The following MAST4 variants were observed in gnomAD, a reference collection of about 807,000 sequenced individuals.
MAST4 encodes the protein microtubule-associated serine/threonine-protein kinase 4.
Under a neutral mutation model 162.7 loss-of-function variants are expected in MAST4, and 89 were observed. That is an observed-to-expected ratio of 0.55 (90% confidence interval 0.46 to 0.65). MAST4 has a LOEUF of 0.65. MAST4 is among the 30% of genes least tolerant of loss of function. The pLI is 0.00. For synonymous variants in MAST4, 1,479 were observed against 1,361.1 expected, an observed-to-expected ratio of 1.09 and a Z score of -1.91; for missense variants, 3,153 against 3,374.0, an observed-to-expected ratio of 0.93 and a Z score of 1.62.
At chr5:67,011,200 T>C (rs1165037616) in intron 4 of MAST4, among the ~76,000 whole-genome samples, 2 of 152,120 alleles carry the variant, frequency 1.3e-5, no homozygotes, top group Admixed American at 1.3e-4. Context: ...CACCACCTCT[T>C]GCTCTCCTCC....
At chr5:67,063,691 CT>C (rs1759903727) in intron 5 of MAST4, among the ~76,000 whole-genome samples, 1 of 151,096 alleles carries the variant, frequency 6.6e-6, no homozygotes, top group South Asian at 2.1e-4. Context: ...GTTTTTCATT[CT>C]GTTTAATTTT....
intron 1 of MAST4, among the ~76,000 whole-genome samples, chr5:66,702,858 C>T (rs1017614886): frequency 2.0e-5 from 3 of 152,142 alleles, no homozygotes; most frequent in African/African-American, 4.8e-5. Flanking sequence ...TTCAACTTAA[C>T]GTTCTGAGAG....
intron 1 of MAST4, among the ~76,000 whole-genome samples, chr5:66,726,379 A>C (rs1286653363): frequency 6.6e-6 from 1 of 151,946 alleles, no homozygotes; most frequent in Non-Finnish European, 1.5e-5. Flanking sequence ...AGAAGAAAAG[A>C]CTCCTGAGTG....
chr5:66,679,969 T>C (rs1241821692), intron 1 of MAST4, among the ~76,000 whole-genome samples: 3 of 152,218 alleles, frequency 2.0e-5, no homozygotes, highest in African/African-American at 7.2e-5. Context: ...CTATTACACA[T>C]GAACTTACAA....
chr5:67,121,742 G>T (rs562335875), intron 14 of MAST4, among the ~76,000 whole-genome samples: 1 of 152,054 alleles, frequency 6.6e-6, no homozygotes, highest in Admixed American at 6.5e-5. Flanking sequence ...GTGTTGGTCT[G>T]CATTCAAAGC....
chr5:66,846,965 TG>T (rs1204939923), intron 3 of MAST4, among the ~76,000 whole-genome samples: 1 of 152,232 alleles, frequency 6.6e-6, no homozygotes, highest in African/African-American at 2.4e-5. Flanking sequence ...TCTACCTCCC[TG>T]GCACTCATTT....
At chr5:66,757,275 C>G (rs774204067) in intron 1 of MAST4, among the ~76,000 whole-genome samples, 1 of 152,178 alleles carries the variant, frequency 6.6e-6, no homozygotes, top group Non-Finnish European at 1.5e-5. Context: ...AGCTGTCACT[C>G]ATAATTAAGA....
chr5:66,978,462 A>G (rs1185950826), intron 4 of MAST4, among the ~76,000 whole-genome samples: 3 of 152,236 alleles, frequency 2.0e-5, no homozygotes, highest in Admixed American at 6.5e-5. Context: ...GGATACCAAG[A>G]AGAGAAGATG....
At chr5:66,832,809 A>G (rs1757706795) in intron 3 of MAST4, among the ~76,000 whole-genome samples, 2 of 152,238 alleles carry the variant, frequency 1.3e-5, no homozygotes, top group Non-Finnish European at 2.9e-5. Context: ...ATTTATGATA[A>G]TATTAATTCA....
In MAST4 at chr5:67,166,073, G is replaced by T. The variant is rs758759314; in HGVS notation, c.6894G>T (p.Leu2298=). ...PTSGGRPLEV[L]EKPVHLPRPG... Reference sequence around the variant, plus strand: ...GTGGTGGGCGGCCCCTGGAGGTGCTGGAGAAGCCTGTGCATTTGCCAAGGC... The same window carrying T: ...GTGGTGGGCGGCCCCTGGAGGTGCTTGAGAAGCCTGTGCATTTGCCAAGGC... The change falls in exon 29 of 29, where the codon CTG becomes CTT. Residue 2298 remains leucine, a synonymous_variant. Coordinates refer to ENST00000403625, the MANE Select transcript of MAST4 (RefSeq NM_001164664.2). 1.9e-6 allele frequency: 3 copies of T among 1,613,514 alleles called. No individual in the cohort carries two copies. The highest frequency in any genetic ancestry group is 2.5e-6 in the Non-Finnish European group (3 of 1,179,714).
intron 4 of MAST4, among the ~76,000 whole-genome samples, chr5:66,923,555 G>A (rs181705033): frequency 1.2e-4 from 18 of 152,306 alleles, no homozygotes; most frequent in East Asian, 1.2e-3. Context: ...TGGCTATCAC[G>A]TTGTTCTCTT....
intron 4 of MAST4, among the ~76,000 whole-genome samples, chr5:67,006,839 TA>T (rs1752097331): frequency 6.6e-6 from 1 of 152,258 alleles, no homozygotes; most frequent in East Asian, 1.9e-4. Flanking sequence ...TTCTTCCCAG[TA>T]AAATGGGAGA....
intron 1 of MAST4, among the ~76,000 whole-genome samples, chr5:66,752,677 C>A (rs1229072025): frequency 1.3e-5 from 2 of 148,454 alleles, no homozygotes; most frequent in African/African-American, 5.0e-5. Context: ...GAGACTTAGA[C>A]TCCCACACAT....
At chr5:66,705,148 C>G (rs1750050278) in intron 1 of MAST4, among the ~76,000 whole-genome samples, 1 of 152,194 alleles carries the variant, frequency 6.6e-6, no homozygotes, top group South Asian at 2.1e-4. Flanking sequence ...ATTGGAGGAT[C>G]AGGTTTCCTG....
Position 66,783,743 on chromosome 5 carries a change from T to C in MAST4, c.518-4927T>C, listed in dbSNP as rs145804312. Among the ~76,000 whole-genome samples the C allele has an allele frequency of 3.1e-3, 467 of 152,242 alleles. 6 individuals are homozygous for C. Among genetic ancestry groups the C allele is most frequent in the Non-Finnish European group, 3.8e-3 (256 of 68,010 alleles). Reference sequence around the variant, plus strand: ...TCAGAGAAGGATGAGATGGCATGCATGCTTGTTCTCAGTGGTCTCTGCTTG... The same window carrying C: ...TCAGAGAAGGATGAGATGGCATGCACGCTTGTTCTCAGTGGTCTCTGCTTG... On this transcript the variant is annotated intron_variant, in intron 2 of 28. Transcript: ENST00000403625.
At chr5:66,600,505 T>C (rs1458724473) in intron 1 of MAST4, among the ~76,000 whole-genome samples, 1 of 152,246 alleles carries the variant, frequency 6.6e-6, no homozygotes, top group South Asian at 2.1e-4. Flanking sequence ...AGGAATTTTG[T>C]CTTTGTACGC....
intron 1 of MAST4, among the ~76,000 whole-genome samples, chr5:66,627,793 T>G (rs1394226527): frequency 6.6e-6 from 1 of 152,124 alleles, no homozygotes; most frequent in East Asian, 1.9e-4. Context: ...TATTCCCAGT[T>G]AAGTCATGTG....
At chr5:66,802,251 A>G (rs954041726) in intron 3 of MAST4, among the ~76,000 whole-genome samples, 12 of 151,966 alleles carry the variant, frequency 7.9e-5, no homozygotes, top group Non-Finnish European at 4.4e-5. Context: ...TTTCATTTTT[A>G]TTTAAAGCAT....
intron 2 of MAST4, 63 bp from the exon 3 acceptor site, chr5:66,788,607 C>CCAAAAAAAAAAAAAAAAAAA: frequency 2.9e-6 from 4 of 1,373,698 alleles, no homozygotes; most frequent in Non-Finnish European, 4.1e-6. Flanking sequence ...CCCCCACCCC[C>CCAAAAAAAAAAAAAAAAAAA]ATTGCAATAA....
Sources: gnomAD v4.1 joint callset for allele counts (sites outside exome capture counted in the v4.1 genomes callset) on GRCh38, gnomAD v4.1.1 for gene constraint, MANE v1.5 for transcripts, NCBI Gene and HGNC (gene_info 2026-07-23, HGNC 2026-07-21) for gene names.